Variants in AHI1 observed in about 807,000 individuals in gnomAD.
AHI1 encodes the protein Abelson helper integration site 1, also known as jouberin.
AHI1 carries 123 observed loss-of-function variants against 149.3 expected under a neutral mutation model. The observed-to-expected ratio is 0.82, with a 90% CI of 0.71 to 0.96. The LOEUF (loss-of-function observed/expected upper bound fraction) is 0.96, where lower values mean the gene tolerates loss of function less well. AHI1 is among the 40% of genes least tolerant of loss of function. AHI1 has a pLI of 0.00. For synonymous variants in AHI1, 475 were observed against 459.8 expected, an observed-to-expected ratio of 1.03 and a Z score of -0.42; for missense variants, 1,439 against 1,422.7, an observed-to-expected ratio of 1.01 and a Z score of -0.18.
intron 27 of AHI1, among the ~76,000 whole-genome samples, chr6:135,298,101 T>C (rs922788370): frequency 6.6e-6 from 1 of 152,142 alleles, no homozygotes; most frequent in African/African-American, 2.4e-5. Context: ...TTGTTAAGGA[T>C]GACAGCATAT....
Position 135,428,699 on chromosome 6 carries a change from C to CA in AHI1, c.2552dup (p.Leu851PhefsTer13), listed in dbSNP as rs1431682558. On this transcript the variant is annotated frameshift_variant, in exon 19 of 29. Transcript: ENST00000265602. LOFTEE classifies it high-confidence loss of function. ...CAAACAGAAAAGTCCCACATGGAGT[C>CA]AAAGTACTATGAATCTTCTCCCGAT... 5.0e-6 allele frequency: 8 copies of CA among 1,608,632 alleles called. No individual in the cohort carries two copies. The highest frequency in any genetic ancestry group is 6.8e-6 in the Non-Finnish European group (8 of 1,176,894).
chr6:135,493,817 TGG>T, intron 3 of AHI1, among the ~76,000 whole-genome samples: 1 of 151,920 alleles, frequency 6.6e-6, no homozygotes, highest in Middle Eastern at 3.4e-3. Flanking sequence ...ATAAGGCGGG[TGG>T]ATCACTTGAG....
intron 5 of AHI1, among the ~76,000 whole-genome samples, chr6:135,487,265 T>C (rs2128130229): frequency 6.6e-6 from 1 of 152,270 alleles, no homozygotes; most frequent in South Asian, 2.1e-4. Flanking sequence ...CTTGTTTTAT[T>C]TATTTCAAAC....
rs367640472 is a variant in AHI1, at chr6:135,323,284, T to C, written c.3206A>G (p.Glu1069Gly). The change falls in exon 25 of 29, where the codon GAA becomes GGA. Residue 1069 changes from glutamate (E) to glycine (G), a missense_variant. Coordinates refer to ENST00000265602, the MANE Select transcript of AHI1 (RefSeq NM_001134831.2). ...LYDYTANRSD[E>G]LTIHRGDIIR... ...AATGTCTCCGCGATGGATGGTTAGT[T>C]CATCTGATCGATTCGCTGTGTAGTC... 36 of 1,613,652 alleles carry C rather than the reference T, an allele frequency of 2.2e-5. No homozygotes were observed. Among genetic ancestry groups the C allele is most frequent in the Non-Finnish European group, 2.8e-5 (33 of 1,179,788 alleles).
At chr6:135,406,714 T>C (rs1311492513) in intron 21 of AHI1, among the ~76,000 whole-genome samples, 1 of 152,224 alleles carries the variant, frequency 6.6e-6, no homozygotes. Context: ...TGGCTCTACT[T>C]AGCAATCAAC....
intron 11 of AHI1, among the ~76,000 whole-genome samples, chr6:135,449,914 T>C (rs1005053401): frequency 1.3e-5 from 2 of 152,220 alleles, no homozygotes; most frequent in African/African-American, 2.4e-5. Context: ...AGTGTAACTC[T>C]AAGTTCGTAA....
chr6:135,363,498 T>C (rs1218194441), intron 23 of AHI1, among the ~76,000 whole-genome samples: 1 of 152,198 alleles, frequency 6.6e-6, no homozygotes, highest in Non-Finnish European at 1.5e-5. Context: ...TTTCCCCACC[T>C]TTCCCCCCTT....
At position 135,318,593 on chromosome 6, in the gene AHI1, CA is replaced by C; in HGVS notation, c.3351del (p.Glu1118ArgfsTer2). The C allele has an allele frequency of 6.2e-7, 1 of 1,604,378 alleles. No homozygotes were observed. The highest frequency in any genetic ancestry group is 1.1e-5 in the South Asian group (1 of 88,520). ...AAAGGAGGGGATCGCTCCTTTATCTCAGGAGGCAGTTCTTGATACAGTGCTG... is the reference window on the plus strand; with the variant it reads ...AAAGGAGGGGATCGCTCCTTTATCTCGGAGGCAGTTCTTGATACAGTGCTG... ...ASETLYQELP[P>X]EIKERSPPLS... is the part of the protein sequence containing the mutation. On this transcript the variant is annotated frameshift_variant, in exon 26 of 29. Transcript: ENST00000265602. LOFTEE classifies it high-confidence loss of function.
chr6:135,466,389 A>G lies in AHI1; in HGVS notation c.190-16T>C, dbSNP rs1790770398. ...TAGTGTCGGGCTAGGAAAAGAAGAC[A>G]TGATAACAAAGTTTCAGTTACACAT... On this transcript the variant is annotated splice_polypyrimidine_tract_variant and intron_variant, in intron 6 of 28. Transcript: ENST00000265602. 6.2e-7 allele frequency: 1 copy of G among 1,603,946 alleles called. No individual in the cohort carries two copies. Among genetic ancestry groups the G allele is most frequent in the South Asian group, 1.1e-5 (1 of 89,612 alleles).
chr6:135,451,291 C>T (rs745899418), intron 11 of AHI1, among the ~76,000 whole-genome samples: 4 of 152,108 alleles, frequency 2.6e-5, no homozygotes, highest in South Asian at 2.1e-4. Flanking sequence ...CTACTGCATC[C>T]GTCATGCCAC....
At chr6:135,410,538 C>T (rs1039853134) in intron 21 of AHI1, among the ~76,000 whole-genome samples, 1 of 152,178 alleles carries the variant, frequency 6.6e-6, no homozygotes, top group African/African-American at 2.4e-5. Context: ...TAGTTTTCAC[C>T]TATCTCTTTT....
chr6:135,415,765 T>C (rs146084123), intron 20 of AHI1, among the ~76,000 whole-genome samples: 11 of 152,292 alleles, frequency 7.2e-5, no homozygotes, highest in Middle Eastern at 3.4e-3. Context: ...CCAATGTCCA[T>C]TGACAGGTGA....
At chr6:135,338,350 G>A (rs1358873820) in intron 24 of AHI1, among the ~76,000 whole-genome samples, 6 of 151,058 alleles carry the variant, frequency 4.0e-5, no homozygotes, top group East Asian at 1.9e-4. Context: ...ATATCCCTGC[G>A]TTAGCACGTT....
intron 5 of AHI1, among the ~76,000 whole-genome samples, chr6:135,472,131 C>T (rs971201612): frequency 6.6e-6 from 1 of 150,608 alleles, no homozygotes; most frequent in African/African-American, 2.5e-5. Context: ...GTCATGTGAC[C>T]ACCACCATAA....
At chr6:135,358,301 G>C in intron 23 of AHI1, 114 bp from the exon 24 acceptor site, 1 of 901,732 alleles carries the variant, frequency 1.1e-6, no homozygotes, top group Non-Finnish European at 1.7e-6. Context: ...CAGCTTCCAA[G>C]AAAAAAGTCT....
intron 27 of AHI1, among the ~76,000 whole-genome samples, chr6:135,299,783 A>T (rs1005132753): frequency 3.9e-5 from 6 of 152,208 alleles, no homozygotes; most frequent in African/African-American, 1.4e-4. Flanking sequence ...TACATTAAGC[A>T]TTTATAGAAA....
At chr6:135,336,919 C>T (rs528315552) in intron 24 of AHI1, among the ~76,000 whole-genome samples, 1 of 152,262 alleles carries the variant, frequency 6.6e-6, no homozygotes, top group Non-Finnish European at 1.5e-5. Context: ...CACACACATA[C>T]ACATATATTC....
chr6:135,319,213 G>A (rs777849911), intron 25 of AHI1, among the ~76,000 whole-genome samples: 9 of 152,158 alleles, frequency 5.9e-5, no homozygotes, highest in South Asian at 4.1e-4. Flanking sequence ...GGCAGGGCGC[G>A]GTGGCTCATG....
Position 135,492,920 on chromosome 6 carries a change from T to C in AHI1, c.-54-629A>G, listed in dbSNP as rs1795454507. 4.1e-6 allele frequency: 4 copies of C among 980,104 alleles called. 1 individual carries two copies. In the South Asian group the frequency reaches 1.9e-4, roughly 46 times the overall value. 60.7% of individuals were successfully genotyped at this position (980,104 alleles called of 1,614,324 possible). On this transcript the variant is annotated intron_variant, in intron 3 of 28. Coordinates refer to ENST00000265602, the MANE Select transcript of AHI1 (RefSeq NM_001134831.2). ...AATCGGTGTATGTCTAAAATGAACA[T>C]ATTCTCACATTAGAACATTTAGAAT...
Sources: allele counts gnomAD v4.1 joint callset (sites outside exome capture counted in the v4.1 genomes callset), GRCh38; gene constraint gnomAD v4.1.1; transcripts MANE v1.5; gene names NCBI Gene and HGNC (gene_info 2026-07-23, HGNC 2026-07-21).